The following UNC5D variants were observed in gnomAD, a reference collection of about 807,000 sequenced individuals.
The protein encoded by UNC5D is netrin receptor UNC5D.
Under a neutral mutation model 105.4 loss-of-function variants are expected in UNC5D, and 39 were observed. The ratio of observed to expected loss-of-function variants is 0.37; its 90% CI spans 0.29 to 0.48. The LOEUF (loss-of-function observed/expected upper bound fraction) is 0.48. Among genes scored for constraint, UNC5D ranks in the 20% least tolerant of loss-of-function variants. The pLI is 0.98. For missense variants in UNC5D, 991 were observed against 1,202.4 expected, an observed-to-expected ratio of 0.82 and a Z score of 2.60; for synonymous variants, 452 against 450.4, an observed-to-expected ratio of 1.00 and a Z score of -0.04.
intron 1 of UNC5D, among the ~76,000 whole-genome samples, chr8:35,534,740 A>G (rs1814705915): frequency 6.6e-6 from 1 of 152,022 alleles, no homozygotes; most frequent in Non-Finnish European, 1.5e-5. Flanking sequence ...AAGATACTAC[A>G]TTTGATCAGG....
chr8:35,731,398 C>CAA (rs1829184813), intron 11 of UNC5D, among the ~76,000 whole-genome samples: 1 of 31,724 alleles, frequency 3.2e-5, no homozygotes, highest in African/African-American at 1.7e-4. Context: ...GACTCTGTCT[C>CAA]CAAAAAAAAA....
intron 7 of UNC5D, among the ~76,000 whole-genome samples, chr8:35,701,254 A>G (rs1827176665): frequency 6.6e-6 from 1 of 152,182 alleles, no homozygotes; most frequent in African/African-American, 2.4e-5. Context: ...TATCAAACAT[A>G]TCTATGCAGT....
At chr8:35,313,205 G>A (rs1025562380) in intron 1 of UNC5D, among the ~76,000 whole-genome samples, 7 of 152,176 alleles carry the variant, frequency 4.6e-5, no homozygotes, top group African/African-American at 1.4e-4. Flanking sequence ...TACATAAATT[G>A]TAAATATGAT....
intron 4 of UNC5D, among the ~76,000 whole-genome samples, chr8:35,652,915 ATTTTT>A (rs34611902): frequency 1.6e-4 from 8 of 49,152 alleles, no homozygotes; most frequent in Non-Finnish European, 2.3e-4. Context: ...ACAAGTGAGG[ATTTTT>A]TTTTTTTTTT....
chr8:35,641,251 A>C (rs891849072), intron 4 of UNC5D, among the ~76,000 whole-genome samples: 7 of 151,766 alleles, frequency 4.6e-5, no homozygotes, highest in African/African-American at 1.5e-4. Context: ...AGTCTACTAA[A>C]CACTATTTTA....
chr8:35,374,084 C>T (rs961725531), intron 1 of UNC5D, among the ~76,000 whole-genome samples: 3 of 152,168 alleles, frequency 2.0e-5, no homozygotes, highest in African/African-American at 7.2e-5. Context: ...TGGTGACATA[C>T]TGGTAGTTTA....
chr8:35,245,166 T>G (rs185703381), intron 1 of UNC5D, among the ~76,000 whole-genome samples: 4 of 152,312 alleles, frequency 2.6e-5, no homozygotes, highest in Admixed American at 2.6e-4. Flanking sequence ...TGTCCAGTTG[T>G]AAAGCGAAAT....
At chr8:35,554,352 T>TAC (rs1816382755) in intron 2 of UNC5D, among the ~76,000 whole-genome samples, 1 of 152,246 alleles carries the variant, frequency 6.6e-6, no homozygotes, top group Non-Finnish European at 1.5e-5. Context: ...GACAAGGCTA[T>TAC]ACCTCTTAGT....
At chr8:35,305,446 A>AC (rs922961385) in intron 1 of UNC5D, among the ~76,000 whole-genome samples, 1 of 151,910 alleles carries the variant, frequency 6.6e-6, no homozygotes, top group African/African-American at 2.4e-5. Flanking sequence ...CCAGGAAATC[A>AC]CCCCTCTGGA....
intron 2 of UNC5D, among the ~76,000 whole-genome samples, chr8:35,561,597 C>T (rs1002551807): frequency 2.0e-5 from 3 of 152,090 alleles, no homozygotes; most frequent in East Asian, 3.9e-4. Context: ...TGGATTTGGA[C>T]ATTCACTACT....
chr8:35,406,611 C>T (rs1439471525), intron 1 of UNC5D, among the ~76,000 whole-genome samples: 23 of 152,058 alleles, frequency 1.5e-4, no homozygotes, highest in Admixed American at 6.6e-5. Context: ...GAGAGAATCT[C>T]GGACTGAGTG....
intron 1 of UNC5D, among the ~76,000 whole-genome samples, chr8:35,474,776 T>C (rs565722237): frequency 6.6e-6 from 1 of 152,136 alleles, no homozygotes; most frequent in Non-Finnish European, 1.5e-5. Context: ...TGAGATTTCA[T>C]TGGTTGTTGC....
At chr8:35,403,723 C>T (rs1804621981) in intron 1 of UNC5D, among the ~76,000 whole-genome samples, 1 of 152,202 alleles carries the variant, frequency 6.6e-6, no homozygotes, top group African/African-American at 2.4e-5. Flanking sequence ...ACCCATACCT[C>T]AATGCCATTC....
chr8:35,424,693 A>G (rs541046166), intron 1 of UNC5D, among the ~76,000 whole-genome samples: 2 of 152,278 alleles, frequency 1.3e-5, no homozygotes, highest in African/African-American at 4.8e-5. Context: ...TCAGCTACAC[A>G]CTCATCTCTA....
At chr8:35,474,585 C>A (rs1028978729) in intron 1 of UNC5D, among the ~76,000 whole-genome samples, 6 of 152,150 alleles carry the variant, frequency 3.9e-5, no homozygotes, top group African/African-American at 1.4e-4. Context: ...GCCTATCCTG[C>A]AATAAGGGTG....
chr8:35,448,858 G>T (rs1051351040), intron 1 of UNC5D, among the ~76,000 whole-genome samples: 1 of 152,046 alleles, frequency 6.6e-6, no homozygotes, highest in Admixed American at 6.6e-5. Flanking sequence ...GTGAGAACAT[G>T]CAGTATTTGA....
At chr8:35,484,768 C>T (rs1020045930) in intron 1 of UNC5D, among the ~76,000 whole-genome samples, 4 of 152,050 alleles carry the variant, frequency 2.6e-5, no homozygotes, top group South Asian at 2.1e-4. Flanking sequence ...TATCTGCGGC[C>T]GCTATACCAA....
At chr8:35,626,558 C>A (rs1001979690) in intron 4 of UNC5D, among the ~76,000 whole-genome samples, 2 of 152,140 alleles carry the variant, frequency 1.3e-5, no homozygotes, top group East Asian at 3.9e-4. Flanking sequence ...GCACACGTAG[C>A]CTTCAGCTTA....
chr8:35,250,471 T>A (rs2128811166), intron 1 of UNC5D, among the ~76,000 whole-genome samples: 1 of 152,234 alleles, frequency 6.6e-6, no homozygotes, highest in East Asian at 1.9e-4. Context: ...GTCACCCAGA[T>A]AGTAAGCATA....
Sources: gnomAD v4.1 joint callset for allele counts (sites outside exome capture counted in the v4.1 genomes callset) on GRCh38, gnomAD v4.1.1 for gene constraint, MANE v1.5 for transcripts, NCBI Gene and HGNC (gene_info 2026-07-23, HGNC 2026-07-21) for gene names.